The following TMEM132C variants were observed in gnomAD, a reference collection of about 807,000 sequenced individuals.
TMEM132C encodes transmembrane protein 132C.
A neutral mutation model predicts 61.4 loss-of-function variants in TMEM132C; 29 were observed. That is an observed-to-expected ratio of 0.47 (90% CI 0.35 to 0.64). TMEM132C has a LOEUF of 0.64. Among genes scored for constraint, TMEM132C ranks in the 30% least tolerant of loss-of-function variants. The pLI, the probability that TMEM132C is intolerant of heterozygous loss-of-function variation, is 0.00. For missense variants in TMEM132C, 1,408 were observed against 1,476.9 expected (o/e 0.95, Z 0.76); for synonymous variants, 656 against 633.1 (o/e 1.04, Z -0.54).
chr12:128,437,461 G>A (rs1869640796), intron 2 of TMEM132C, among the ~76,000 whole-genome samples: 1 of 152,024 alleles, frequency 6.6e-6, no homozygotes, highest in South Asian at 2.1e-4. Context: ...ATGCCCCAGG[G>A]CTCACAAGAT....
chr12:128,414,212 C>A (rs952609649), intron 1 of TMEM132C, among the ~76,000 whole-genome samples: 8 of 151,900 alleles, frequency 5.3e-5, no homozygotes, highest in Non-Finnish European at 1.2e-4. Context: ...AATAGTGAGA[C>A]CCCATCTCTA....
At chr12:128,387,459 C>T (rs537857913) in intron 1 of TMEM132C, among the ~76,000 whole-genome samples, 24 of 152,310 alleles carry the variant, frequency 1.6e-4, no homozygotes, top group African/African-American at 4.8e-4. Context: ...AACTGAGTTC[C>T]ATTGTAGACT....
At chr12:128,443,785 C>T (rs1460227903) in intron 2 of TMEM132C, among the ~76,000 whole-genome samples, 1 of 152,218 alleles carries the variant, frequency 6.6e-6, no homozygotes, top group Non-Finnish European at 1.5e-5. Flanking sequence ...CTCATTCCTA[C>T]CTGGGGGCCT....
chr12:128,405,825 A>G (rs1875325151), intron 1 of TMEM132C, among the ~76,000 whole-genome samples: 1 of 152,116 alleles, frequency 6.6e-6, no homozygotes, highest in South Asian at 2.1e-4. Context: ...AGGAAACACC[A>G]CCCTCAGTTG....
At chr12:128,465,844 G>A (rs182097951) in intron 2 of TMEM132C, among the ~76,000 whole-genome samples, 22 of 152,286 alleles carry the variant, frequency 1.4e-4, no homozygotes, top group Admixed American at 3.3e-4. Flanking sequence ...TCAGTTAGCC[G>A]GTTGCTGATT....
intron 3 of TMEM132C, among the ~76,000 whole-genome samples, chr12:128,544,643 G>GC (rs34526371): frequency 4.3e-4 from 21 of 48,914 alleles, no homozygotes; most frequent in African/African-American, 9.1e-4. Flanking sequence ...CACAATTATA[G>GC]CGGGGGGAAT....
At chr12:128,606,156 C>T (rs1350059635) in intron 3 of TMEM132C, among the ~76,000 whole-genome samples, 1 of 152,224 alleles carries the variant, frequency 6.6e-6, no homozygotes, top group Non-Finnish European at 1.5e-5. Flanking sequence ...TGAAGTGTGA[C>T]CTAATTTAGC....
chr12:128,705,935 G>C lies in TMEM132C; in HGVS notation c.2967G>C (p.Pro989=). ...ELLESMGDAP[P]PQDEHTTIID... is the part of the protein sequence containing the mutation. ...TGGAGAGCATGGGGGATGCGCCGCC[G>C]CCCCAGGACGAGCACACCACCATCA... Residue 989 remains proline (P), a synonymous_variant, in exon 9 of 9, where the codon CCG becomes CCC. Coordinates refer to ENST00000435159, the MANE Select transcript of TMEM132C (RefSeq NM_001136103.3). 1 of 1,551,284 alleles carries C rather than the reference G, an allele frequency of 6.4e-7. No individual in the cohort carries two copies. The highest frequency in any genetic ancestry group is 8.7e-7 in the Non-Finnish European group (1 of 1,146,930).
chr12:128,503,065 C>T (rs138266714), intron 2 of TMEM132C, among the ~76,000 whole-genome samples: 1 of 152,324 alleles, frequency 6.6e-6, no homozygotes, highest in Non-Finnish European at 1.5e-5. Flanking sequence ...TATTCAGGTT[C>T]TCAGAGCGAT....
intron 4 of TMEM132C, among the ~76,000 whole-genome samples, chr12:128,663,706 C>CGT (rs1224592454): frequency 7.0e-4 from 92 of 132,150 alleles, no homozygotes; most frequent in East Asian, 4.1e-3. Context: ...TGCATGTATG[C>CGT]GTGTGTGTAT....
intron 1 of TMEM132C, among the ~76,000 whole-genome samples, chr12:128,284,278 G>A (rs913235004): frequency 1.3e-5 from 2 of 152,206 alleles, no homozygotes; most frequent in Non-Finnish European, 2.9e-5. Flanking sequence ...TTCGTGTTTA[G>A]GAGTGTATAG....
intron 2 of TMEM132C, among the ~76,000 whole-genome samples, chr12:128,432,706 A>G (rs1177289453): frequency 6.6e-6 from 1 of 152,258 alleles, no homozygotes; most frequent in African/African-American, 2.4e-5. Flanking sequence ...AAGATACTGG[A>G]ACATTGTCAA....
chr12:128,433,837 C>T (rs1234034914), intron 2 of TMEM132C, among the ~76,000 whole-genome samples: 2 of 152,192 alleles, frequency 1.3e-5, no homozygotes, highest in Admixed American at 6.5e-5. Context: ...CAGTGAGATG[C>T]CTAGGCAAAA....
chr12:128,281,703 G>A (rs1001927386), intron 1 of TMEM132C, among the ~76,000 whole-genome samples: 1 of 152,148 alleles, frequency 6.6e-6, no homozygotes, highest in Non-Finnish European at 1.5e-5. Flanking sequence ...GCAAGAGAAA[G>A]GAGAAGCTGG....
At chr12:128,354,574 G>T (rs1369976418) in intron 1 of TMEM132C, among the ~76,000 whole-genome samples, 1 of 150,980 alleles carries the variant, frequency 6.6e-6, no homozygotes, top group African/African-American at 2.4e-5. Context: ...TCCACAACAG[G>T]GTGTCTAAAT....
chr12:128,298,358 A>C (rs1871479030), intron 1 of TMEM132C, among the ~76,000 whole-genome samples: 1 of 152,088 alleles, frequency 6.6e-6, no homozygotes, highest in Admixed American at 6.6e-5. Context: ...GGTACAGCGC[A>C]AAATGTTCTT....
intron 4 of TMEM132C, among the ~76,000 whole-genome samples, chr12:128,656,435 G>T (rs182820451): frequency 1.3e-5 from 2 of 152,324 alleles, no homozygotes; most frequent in African/African-American, 4.8e-5. Context: ...ATTCCCAGTA[G>T]CAGGAAGGGA....
chr12:128,646,233 C>T (rs761409184), intron 4 of TMEM132C, among the ~76,000 whole-genome samples: 6 of 151,452 alleles, frequency 4.0e-5, no homozygotes, highest in East Asian at 4.0e-4. Flanking sequence ...TACTGGAGTC[C>T]GTCAGCGTTG....
chr12:128,268,417 G>C (rs577999445), intron 1 of TMEM132C, among the ~76,000 whole-genome samples: 1 of 152,320 alleles, frequency 6.6e-6, no homozygotes, highest in South Asian at 2.1e-4. Flanking sequence ...CGGGGCAGGC[G>C]GGGAGCAAGG....
Sources: gnomAD v4.1 joint callset for allele counts (sites outside exome capture counted in the v4.1 genomes callset) on GRCh38, gnomAD v4.1.1 for gene constraint, MANE v1.5 for transcripts, NCBI Gene and HGNC (gene_info 2026-07-23, HGNC 2026-07-21) for gene names.